The following TENM3 variants were observed in gnomAD, a reference collection of about 807,000 sequenced individuals.
TENM3 encodes the protein teneurin transmembrane protein 3.
TENM3 carries 63 observed loss-of-function variants against 255.1 expected under a neutral mutation model. That is an observed-to-expected ratio of 0.25 (90% CI 0.20 to 0.30). The LOEUF (loss-of-function observed/expected upper bound fraction) is 0.30, where lower values mean the gene tolerates loss of function less well. Among genes scored for constraint, TENM3 ranks in the 10% least tolerant of loss-of-function variants. The pLI, the probability that TENM3 is intolerant of heterozygous loss-of-function variation, is 1.00. For synonymous variants in TENM3, 1,306 were observed against 1,322.3 expected, an observed-to-expected ratio of 0.99 and a Z score of 0.27; for missense variants, 2,929 against 3,461.1, an observed-to-expected ratio of 0.85 and a Z score of 3.86.
chr4:182,637,566 G>T (rs1038986609), intron 5 of TENM3, among the ~76,000 whole-genome samples: 8 of 152,114 alleles, frequency 5.3e-5, no homozygotes, highest in Non-Finnish European at 1.0e-4. Context: ...AAAAATTCCA[G>T]TTTCTTCTTT....
At chr4:182,345,107 G>A (rs1764722627) in intron 2 of TENM3, among the ~76,000 whole-genome samples, 2 of 152,078 alleles carry the variant, frequency 1.3e-5, no homozygotes, top group African/African-American at 4.8e-5. Context: ...TGTAGCAACT[G>A]ATTTTCATTA....
intron 6 of TENM3, among the ~76,000 whole-genome samples, chr4:182,658,433 C>G (rs907207410): frequency 1.3e-5 from 2 of 152,146 alleles, no homozygotes; most frequent in Admixed American, 1.3e-4. Context: ...TCCTAACTCT[C>G]AAATCAGTAA....
the TENM3 span, among the ~76,000 whole-genome samples, chr4:181,908,263 T>A: frequency 6.6e-6 from 1 of 152,286 alleles, no homozygotes; most frequent in East Asian, 1.9e-4. Flanking sequence ...ATTAGAAATG[T>A]CTAGTAGTGA....
At chr4:181,629,262 T>C in the TENM3 span, among the ~76,000 whole-genome samples, 2 of 152,210 alleles carry the variant, frequency 1.3e-5, no homozygotes, top group Non-Finnish European at 2.9e-5. Flanking sequence ...TTTCTAAATA[T>C]ACAGTCATGT....
chr4:181,763,313 T>C, the TENM3 span, among the ~76,000 whole-genome samples: 5 of 152,188 alleles, frequency 3.3e-5, no homozygotes, highest in African/African-American at 9.6e-5. Flanking sequence ...ATCATCATCA[T>C]GTTAATCCTC....
At chr4:182,110,406 C>A in the TENM3 span, among the ~76,000 whole-genome samples, 1 of 152,028 alleles carries the variant, frequency 6.6e-6, no homozygotes, top group African/African-American at 2.4e-5. Flanking sequence ...CTCACTGCAA[C>A]CTCCACTTCC....
At chr4:182,194,292 G>T (rs1276020676) in intron 1 of TENM3, among the ~76,000 whole-genome samples, 1 of 152,158 alleles carries the variant, frequency 6.6e-6, no homozygotes. Context: ...TTCTGATTGG[G>T]ACGAAGCTGA....
the TENM3 span, among the ~76,000 whole-genome samples, chr4:182,026,336 A>G: frequency 6.6e-6 from 1 of 151,902 alleles, no homozygotes; most frequent in African/African-American, 2.4e-5. Flanking sequence ...TAGTTGTTTG[A>G]GCTCCTTATA....
the TENM3 span, among the ~76,000 whole-genome samples, chr4:181,467,060 AGT>A: frequency 0.041 from 3,636 of 88,972 alleles, 261 homozygotes; most frequent in South Asian, 0.16. Context: ...ATATTTTACT[AGT>A]GTGTGTGTGT....
chr4:181,604,927 C>A, the TENM3 span, among the ~76,000 whole-genome samples: 17 of 152,146 alleles, frequency 1.1e-4, no homozygotes, highest in African/African-American at 3.9e-4. Flanking sequence ...GATAAGACTA[C>A]CCCATATTAT....
chr4:181,543,818 C>G, the TENM3 span, among the ~76,000 whole-genome samples: 1 of 152,140 alleles, frequency 6.6e-6, no homozygotes, highest in Non-Finnish European at 1.5e-5. Flanking sequence ...TAACTACATA[C>G]GTTCCTTCTT....
intron 7 of TENM3, among the ~76,000 whole-genome samples, chr4:182,679,061 G>A (rs761801190): frequency 6.6e-6 from 1 of 152,134 alleles, no homozygotes; most frequent in Middle Eastern, 3.2e-3. Context: ...GCCTGTCAGG[G>A]TGTCAGGGGC....
At chr4:182,520,463 C>T (rs923691319) in intron 3 of TENM3, among the ~76,000 whole-genome samples, 1 of 152,082 alleles carries the variant, frequency 6.6e-6, no homozygotes, top group Non-Finnish European at 1.5e-5. Flanking sequence ...TTTCATATTG[C>T]TTTTGTTTCA....
intron 3 of TENM3, among the ~76,000 whole-genome samples, chr4:182,592,058 A>C (rs1746704749): frequency 6.6e-6 from 1 of 151,764 alleles, no homozygotes; most frequent in African/African-American, 2.4e-5. Flanking sequence ...CAAAAGAGGC[A>C]TTTTAATGGT....
the TENM3 span, among the ~76,000 whole-genome samples, chr4:181,682,586 G>A: frequency 6.6e-6 from 1 of 152,130 alleles, no homozygotes; most frequent in Non-Finnish European, 1.5e-5. Flanking sequence ...AAGATGGGAA[G>A]AGAAAAAATA....
chr4:181,838,883 C>T, the TENM3 span, among the ~76,000 whole-genome samples: 2 of 151,524 alleles, frequency 1.3e-5, no homozygotes, highest in African/African-American at 4.8e-5. Context: ...TTTACTTCTG[C>T]TCTTTATTGT....
At chr4:182,253,885 C>T (rs1758202585) in intron 1 of TENM3, among the ~76,000 whole-genome samples, 1 of 151,988 alleles carries the variant, frequency 6.6e-6, no homozygotes, top group Non-Finnish European at 1.5e-5. Flanking sequence ...CAGTTTACAG[C>T]AAAAAGTAAA....
chr4:182,083,560 T>A, the TENM3 span, among the ~76,000 whole-genome samples: 1 of 152,214 alleles, frequency 6.6e-6, no homozygotes, highest in African/African-American at 2.4e-5. Context: ...TTTTAGACGT[T>A]AAAGGCATTG....
chr4:181,487,655 T>A, the TENM3 span, among the ~76,000 whole-genome samples: 1 of 152,292 alleles, frequency 6.6e-6, no homozygotes. Context: ...TTTCCCCATA[T>A]GAATTTGAGG....
Sources: allele counts gnomAD v4.1 joint callset (sites outside exome capture counted in the v4.1 genomes callset), GRCh38; gene constraint gnomAD v4.1.1; transcripts MANE v1.5; gene names NCBI Gene and HGNC (gene_info 2026-07-23, HGNC 2026-07-21).